The following ATP1A3 variants were observed in gnomAD, a reference collection of about 807,000 sequenced individuals.
ATP1A3 encodes sodium/potassium-transporting ATPase subunit alpha-3.
ATP1A3 carries 12 observed loss-of-function variants against 108.8 expected under a neutral mutation model. The observed-to-expected ratio is 0.11, with a 90% CI of 0.07 to 0.18. The LOEUF (loss-of-function observed/expected upper bound fraction) is 0.18, where lower values mean the gene tolerates loss of function less well. ATP1A3 is among the 10% of genes least tolerant of loss of function. The pLI, the probability that ATP1A3 is intolerant of heterozygous loss-of-function variation, is 1.00. For synonymous variants in ATP1A3, 539 were observed against 564.5 expected (o/e 0.95, Z 0.64); for missense variants, 498 against 1,387.7 (o/e 0.36, Z 10.19).
Position 41,989,354 on chromosome 19 carries a change from A to T in ATP1A3, c.7-792T>A, listed in dbSNP as rs1197141772. Among the ~76,000 whole-genome samples, 423 of 120,658 alleles carry T rather than the reference A, an allele frequency of 3.5e-3. 4 individuals are homozygous for T. The highest frequency in any genetic ancestry group is 0.013 in the African/African-American group (404 of 30,464). 79.2% of individuals were successfully genotyped at this position (120,658 alleles called of 152,430 possible). On this transcript the variant is annotated intron_variant, in intron 1 of 22. Transcript: ENST00000648268. ...TTTTTTTTGAGACGGAGTCTCGCTTAGTCGCCTAGGCTGGAGTGCAGTGGC... is the reference window on the plus strand; with the variant it reads ...TTTTTTTTGAGACGGAGTCTCGCTTTGTCGCCTAGGCTGGAGTGCAGTGGC...
chr19:41,967,862 C>T lies in ATP1A3; in HGVS notation c.2820-99G>A. ...GAGGCACAGTGCAGACACCCAGAGA[C>T]AGCAGCACAGACACAGAGACAGAGA... On this transcript the variant is annotated intron_variant, in intron 20 of 22. Coordinates refer to ENST00000648268, the MANE Select transcript of ATP1A3 (RefSeq NM_152296.5). This position sits in a 1 kb window ranked among gnomAD's most constrained non-coding sequence, Gnocchi z 4.2. 1 of 981,116 alleles carries T rather than the reference C, an allele frequency of 1.0e-6. No homozygotes were observed. Among genetic ancestry groups the T allele is most frequent in the Non-Finnish European group, 1.6e-6 (1 of 623,734 alleles). The allele number at this position is 981,116 out of a possible 1,614,324, so 60.8% of individuals were successfully genotyped here. A position where few individuals can be genotyped will look rare whatever the true frequency, so the allele number is the denominator to read the frequency against.
At chr19:41,970,884 G>A (rs1233089399) in intron 16 of ATP1A3, among the ~76,000 whole-genome samples, 8 of 151,528 alleles carry the variant, frequency 5.3e-5, no homozygotes, top group Non-Finnish European at 7.4e-5. Context: ...TGCCCTCCTC[G>A]GCCTCCTGAA....
In ATP1A3 at chr19:41,986,245, G is replaced by A. The variant is rs782405997; in HGVS notation, c.358-16C>T. On this transcript the variant is annotated splice_polypyrimidine_tract_variant and intron_variant, in intron 4 of 22. Coordinates refer to ENST00000648268, the MANE Select transcript of ATP1A3 (RefSeq NM_152296.5). ...CCAGGTACAGCTGTGGGGAGATGTG[G>A]GGATGTTGATCAGGGGCCGCCCAAG... 2 of 1,613,146 alleles carry A rather than the reference G, an allele frequency of 1.2e-6. No individual in the cohort carries two copies. The highest frequency in any genetic ancestry group is 1.1e-5 in the South Asian group (1 of 91,040).
At chr19:41,984,615 C>G in intron 8 of ATP1A3, 1 of 376,614 alleles carries the variant, frequency 2.7e-6, no homozygotes, top group Middle Eastern at 7.6e-4. Context: ...TGGCTCTTTA[C>G]GGCTTGCCAG....
chr19:41,990,996 T>C (rs1347866767), intron 1 of ATP1A3: 1 of 152,334 alleles, frequency 6.6e-6, no homozygotes, highest in Non-Finnish European at 1.5e-5. Context: ...CATGGCCAGG[T>C]TCCTGGAGGA....
intron 8 of ATP1A3, among the ~76,000 whole-genome samples, chr19:41,982,439 A>G (rs1281880724): frequency 1.3e-5 from 2 of 152,154 alleles, no homozygotes; most frequent in Non-Finnish European, 2.9e-5. Context: ...CAGCCTGGCT[A>G]ACATGGTGAA....
Position 41,978,275 on chromosome 19 carries a change from A to G in ATP1A3, c.1682T>C (p.Phe561Ser), listed in dbSNP as rs782558793. ...GGTGAAGTTCACGTCATCACAGTCG[A>G]AGGCAAAGCCCTTGGGGAACTGCTC... ...PEEQFPKGFA[F>S]DCDDVNFTTD... The change falls in exon 13 of 23, where the codon TTC becomes TCC. Residue 561 changes from phenylalanine (F) to serine (S), a missense_variant. Physicochemically the swap from Phe to Ser is radical, Grantham distance 155. This residue lies in a region of ATP1A3 where 92 missense variants were observed against 168.7 expected (regional missense o/e 0.55). Transcript: ENST00000648268. The surrounding 1 kb of genome is among the most constrained non-coding windows in gnomAD (Gnocchi z 8.3). The G allele has an allele frequency of 6.2e-7, 1 of 1,612,866 alleles. No homozygotes were observed. Among genetic ancestry groups the G allele is most frequent in the African/African-American group, 1.3e-5 (1 of 75,042 alleles).
intron 16 of ATP1A3, among the ~76,000 whole-genome samples, chr19:41,974,811 A>G (rs1401243250): frequency 2.0e-5 from 3 of 152,232 alleles, no homozygotes; most frequent in African/African-American, 7.2e-5. Flanking sequence ...TGGGCCTGTC[A>G]GGAGGTGGTG....
Position 41,981,015 on chromosome 19 carries a change from T to C in ATP1A3, c.1437+487A>G, listed in dbSNP as rs2075225346. 6.6e-6 allele frequency among the ~76,000 whole-genome samples: 1 copy of C among 151,006 alleles called. No homozygotes were observed. The highest frequency in any genetic ancestry group is 1.5e-5 in the Non-Finnish European group (1 of 67,768). ...TGTAGGAAAACTTTTTTTTTTTTTT[T>C]GAGTCAGGGTCTTGCTCTGTCACCC... On this transcript the variant is annotated intron_variant, in intron 11 of 22. Coordinates refer to ENST00000648268, the MANE Select transcript of ATP1A3 (RefSeq NM_152296.5). The surrounding 1 kb of genome is among the most constrained non-coding windows in gnomAD (Gnocchi z 5.0).
At chr19:41,976,225 C>T (rs2075167591) in intron 15 of ATP1A3, among the ~76,000 whole-genome samples, 191 bp downstream of exon 15, 1 of 141,216 alleles carries the variant, frequency 7.1e-6, no homozygotes, top group African/African-American at 2.6e-5. Flanking sequence ...CTCCCTCAGA[C>T]CCAAGGGTCC....
rs1307964521 is a variant in ATP1A3 at position 41,981,417 on chromosome 19, G to A, written c.1437+85C>T. On this transcript the variant is annotated intron_variant, in intron 11 of 22. Transcript: ENST00000648268. The surrounding 1 kb of genome is among the most constrained non-coding windows in gnomAD (Gnocchi z 5.0). ...ATTATCATTCCCATTTTACAGACGGGAAAATCAAGGCTCTATGACACCTCT... is the reference window on the plus strand; with the variant it reads ...ATTATCATTCCCATTTTACAGACGGAAAAATCAAGGCTCTATGACACCTCT... The A allele has an allele frequency of 5.0e-6, 8 of 1,602,210 alleles. No individual in the cohort carries two copies. In the East Asian group the frequency reaches 6.7e-5, roughly 13 times the overall value.
intron 16 of ATP1A3, among the ~76,000 whole-genome samples, chr19:41,971,379 G>C (rs1419879688): frequency 6.6e-6 from 1 of 152,044 alleles, no homozygotes; most frequent in South Asian, 2.1e-4. Flanking sequence ...CCCACCGACC[G>C]AGTAATCCGA....
Position 41,982,490 on chromosome 19 carries a change from A to G in ATP1A3, c.994-384T>C, listed in dbSNP as rs111824459. ...AAAATACAGAAATTAGCAGGGCATG[A>G]TGGTACACTCCTGTCATCCCAGCTA... On this transcript the variant is annotated intron_variant, in intron 8 of 22. Transcript: ENST00000648268. 2.9e-3 allele frequency among the ~76,000 whole-genome samples: 446 copies of G among 152,144 alleles called. 6 individuals carry two copies. Among genetic ancestry groups the G allele is most frequent in the African/African-American group, 0.01 (423 of 41,514 alleles).
At chr19:41,989,955 T>C (rs1237345395) in intron 1 of ATP1A3, among the ~76,000 whole-genome samples, 1 of 152,158 alleles carries the variant, frequency 6.6e-6, no homozygotes, top group Non-Finnish European at 1.5e-5. Context: ...TCTCTCTGCC[T>C]TGCATGATGT....
intron 8 of ATP1A3, 106 bp from the exon 9 acceptor site, chr19:41,982,212 T>C: frequency 1.3e-6 from 2 of 1,589,184 alleles, no homozygotes; most frequent in African/African-American, 2.7e-5. Context: ...CAGAGAATCC[T>C]GAGGGCCTGG....
In ATP1A3 at chr19:41,967,841, C is replaced by T; in HGVS notation, c.2820-78G>A. On this transcript the variant is annotated intron_variant, in intron 20 of 22. Coordinates refer to ENST00000648268, the MANE Select transcript of ATP1A3 (RefSeq NM_152296.5). The surrounding 1 kb of genome is among the most constrained non-coding windows in gnomAD (Gnocchi z 4.2). Reference sequence around the variant, plus strand: ...GCCACCCCGCAGAGACAGGGGGAGGCACAGTGCAGACACCCAGAGACAGCA... The same window carrying T: ...GCCACCCCGCAGAGACAGGGGGAGGTACAGTGCAGACACCCAGAGACAGCA... 1 of 1,280,880 alleles carries T rather than the reference C, an allele frequency of 7.8e-7. No homozygotes were observed. The highest frequency in any genetic ancestry group is 1.1e-6 in the Non-Finnish European group (1 of 891,706). 79.3% of individuals were successfully genotyped at this position (1,280,880 alleles called of 1,614,324 possible).
At position 41,968,488 on chromosome 19, in the gene ATP1A3, A is replaced by AC. The variant is rs2145944018; in HGVS notation, c.2819+296_2819+297insG. Among the ~76,000 whole-genome samples the AC allele has an allele frequency of 6.6e-6, 1 of 152,272 alleles. No individual in the cohort carries two copies. Among genetic ancestry groups the AC allele is most frequent in the African/African-American group, 2.4e-5 (1 of 41,570 alleles). On this transcript the variant is annotated intron_variant, in intron 20 of 22. Transcript: ENST00000648268. The surrounding 1 kb of genome is among the most constrained non-coding windows in gnomAD (Gnocchi z 5.0). ...TGTGCCACTGCACTCCAGCCTGGGC[A>AC]ACAGAGCAAGACTCTGTCTCTAAAT... is the stretch of plus-strand genomic sequence containing the variant.
Position 41,969,588 on chromosome 19 carries a change from G to T in ATP1A3, c.2543-8C>A, listed in dbSNP as rs1555859324. On this transcript the variant is annotated splice_region_variant and splice_polypyrimidine_tract_variant and intron_variant, in intron 18 of 22. Coordinates refer to ENST00000648268, the MANE Select transcript of ATP1A3 (RefSeq NM_152296.5). ...CGAGAGCCTGGATCATTCCTGGAAG[G>T]AGGAGAGAGGAAGCCGAGGAGAGGC... 1.2e-6 allele frequency: 2 copies of T among 1,613,544 alleles called. No homozygotes were observed. Among genetic ancestry groups the T allele is most frequent in the East Asian group, 4.5e-5 (2 of 44,858 alleles).
Position 41,967,263 on chromosome 19 carries a change from C to A in ATP1A3, c.2999G>T (p.Arg1000Leu). 1 of 1,614,012 alleles carries A rather than the reference C, an allele frequency of 6.2e-7. No homozygotes were observed. Among genetic ancestry groups the A allele is most frequent in the Non-Finnish European group, 8.5e-7 (1 of 1,180,020 alleles). ...AGCTCCCTCACCCCCTGGGTTCCTG[C>A]GCAGGATGAGTTTGCGGATTTCGTC... ...VYDEIRKLIL[R>L]RNPGGWVEKE... Residue 1000 changes from arginine to leucine, a missense_variant, in exon 22 of 23, where the codon CGC (arginine) becomes CTC (leucine). Transcript: ENST00000648268. This position sits in a 1 kb window ranked among gnomAD's most constrained non-coding sequence, Gnocchi z 4.2.
Sources: gnomAD v4.1 joint callset for allele counts (sites outside exome capture counted in the v4.1 genomes callset) on GRCh38, gnomAD v4.1.1 for gene constraint, gnomAD v4.1.1 regional missense constraint, Gnocchi (gnomAD v3.1) non-coding constraint, MANE v1.5 for transcripts, NCBI Gene and HGNC (gene_info 2026-07-23, HGNC 2026-07-21) for gene names.